The following FHAD1 variants were observed in gnomAD, a reference collection of about 807,000 sequenced individuals.
FHAD1 encodes the protein forkhead associated phosphopeptide binding domain 1.
FHAD1 carries 146 observed loss-of-function variants against 191.3 expected under a neutral mutation model. The observed-to-expected ratio is 0.76, with a 90% confidence interval of 0.67 to 0.88. FHAD1 has a LOEUF of 0.88. FHAD1 is among the 40% of genes least tolerant of loss of function. FHAD1 has a pLI of 0.00. For missense variants in FHAD1, 1,635 were observed against 1,785.8 expected (o/e 0.92, Z 1.52); for synonymous variants, 616 against 672.3 (o/e 0.92, Z 1.29).
chr1:15,283,251 G>A (rs866675973), intron 3 of FHAD1, among the ~76,000 whole-genome samples: 2 of 152,200 alleles, frequency 1.3e-5, no homozygotes, highest in Non-Finnish European at 2.9e-5. Context: ...CTTATGAAAA[G>A]CTGCTTCCAC....
At chr1:15,347,090 G>A (rs977943906) in intron 18 of FHAD1, among the ~76,000 whole-genome samples, 2 of 152,216 alleles carry the variant, frequency 1.3e-5, no homozygotes, top group Non-Finnish European at 2.9e-5. Flanking sequence ...ACAGAGAGAC[G>A]TTTACATGTC....
At chr1:15,308,399 G>A (rs1671204262) in intron 6 of FHAD1, among the ~76,000 whole-genome samples, 1 of 152,192 alleles carries the variant, frequency 6.6e-6, no homozygotes, top group Non-Finnish European at 1.5e-5. Context: ...TGGGCACAAA[G>A]ATAAGGTTCA....
Position 15,312,539 on chromosome 1 carries a change from G to A in FHAD1, c.1040-518G>A, listed in dbSNP as rs1672593708. On this transcript the variant is annotated intron_variant, in intron 7 of 33. Coordinates refer to ENST00000688493, the MANE Select transcript of FHAD1 (RefSeq NM_001391957.1). The surrounding 1 kb of genome is among the most constrained non-coding windows in gnomAD (Gnocchi z 4.7). Reference sequence around the variant, plus strand: ...TAGCCAGGCATAGTGGCACGTACCTGTAGTCCTAGCTACTTGGGAGGCCAA... The same window carrying A: ...TAGCCAGGCATAGTGGCACGTACCTATAGTCCTAGCTACTTGGGAGGCCAA... Among the ~76,000 whole-genome samples, 1 of 152,182 alleles carries A rather than the reference G, an allele frequency of 6.6e-6. No individual in the cohort carries two copies. Among genetic ancestry groups the A allele is most frequent in the Non-Finnish European group, 1.5e-5 (1 of 68,042 alleles).
downstream of FHAD1, among the ~76,000 whole-genome samples, chr1:15,401,548 GC>G (rs1156847311): frequency 6.6e-6 from 1 of 152,200 alleles, no homozygotes; most frequent in Non-Finnish European, 1.5e-5. Context: ...CAGATAAGGT[GC>G]CCTTCTCTTG....
At chr1:15,293,908 G>C (rs2100717887) in intron 4 of FHAD1, among the ~76,000 whole-genome samples, 1 of 152,242 alleles carries the variant, frequency 6.6e-6, no homozygotes, top group Non-Finnish European at 1.5e-5. Context: ...TGTTGAACTT[G>C]GGAAGTGAGT....
chr1:15,307,800 G>A (rs1368024456), intron 6 of FHAD1, among the ~76,000 whole-genome samples: 2 of 151,296 alleles, frequency 1.3e-5, no homozygotes, highest in African/African-American at 2.4e-5. Flanking sequence ...GCACGATCTC[G>A]GCTCACTGCA....
chr1:15,244,677 T>C (rs1257140881), upstream of FHAD1, among the ~76,000 whole-genome samples: 3 of 152,042 alleles, frequency 2.0e-5, no homozygotes, highest in Admixed American at 6.6e-5. This position sits in a 1 kb window ranked among gnomAD's most constrained non-coding sequence, Gnocchi z 5.1. Context: ...CAGACATTGT[T>C]CTAGGGACTG....
rs537748046 is a variant in FHAD1 at position 15,249,661 on chromosome 1, C to CT, written c.-14-2103dup. Reference sequence around the variant, plus strand: ...TTTCTCTTACTCCCAAGGGTCTTTTCTTTTTTTGCAGAGGATAGAATTCTG... The same window carrying CT: ...TTTCTCTTACTCCCAAGGGTCTTTTCTTTTTTTTGCAGAGGATAGAATTCTG... On this transcript the variant is annotated intron_variant, in intron 1 of 33. Coordinates refer to ENST00000688493, the MANE Select transcript of FHAD1 (RefSeq NM_001391957.1). Among the ~76,000 whole-genome samples, 34 of 152,212 alleles carry CT rather than the reference C, an allele frequency of 2.2e-4. No homozygotes were observed. The South Asian group carries it at 6.8e-3, about 31-fold the overall frequency.
chr1:15,301,750 G>T (rs1668854416), intron 6 of FHAD1, among the ~76,000 whole-genome samples: 1 of 152,312 alleles, frequency 6.6e-6, no homozygotes, highest in South Asian at 2.1e-4. Flanking sequence ...GGCCCAGGCC[G>T]GGCGCTGTGG....
intron 29 of FHAD1, 61 bp downstream of exon 29, chr1:15,380,857 T>C: frequency 8.1e-7 from 1 of 1,230,858 alleles, no homozygotes; most frequent in Non-Finnish European, 1.2e-6. Context: ...GCAGTCAGTG[T>C]TGAACGCAGG....
intron 3 of FHAD1, among the ~76,000 whole-genome samples, chr1:15,280,169 G>A (rs1660074029): frequency 1.3e-5 from 2 of 152,296 alleles, no homozygotes; most frequent in South Asian, 4.1e-4. Context: ...TGAGAAGAAT[G>A]TGGCTTTGCC....
intron 20 of FHAD1, among the ~76,000 whole-genome samples, chr1:15,355,630 CT>C (rs1160013096): frequency 6.6e-6 from 1 of 152,172 alleles, no homozygotes; most frequent in Non-Finnish European, 1.5e-5. Context: ...TTTGGGACCC[CT>C]GGGGTGCATC....
intron 12 of FHAD1, chr1:15,328,008 G>A (rs1307126816): frequency 2.2e-5 from 4 of 183,320 alleles, no homozygotes; most frequent in Admixed American, 6.3e-5. Context: ...ACTCCAGCCT[G>A]GGCAACAAGA....
At chr1:15,360,257 G>T (rs529780814) in intron 21 of FHAD1, among the ~76,000 whole-genome samples, 1 of 152,246 alleles carries the variant, frequency 6.6e-6, no homozygotes, top group African/African-American at 2.4e-5. Flanking sequence ...GTCAGGGAGG[G>T]CCTCTCAGAG....
intron 8 of FHAD1, among the ~76,000 whole-genome samples, chr1:15,313,424 C>G (rs79093484): frequency 1.3e-5 from 2 of 152,088 alleles, no homozygotes; most frequent in Non-Finnish European, 2.9e-5. Flanking sequence ...TTTCAAAGAT[C>G]GGCGTGCACG....
chr1:15,272,224 T>A (rs1656359312), intron 2 of FHAD1, 99 bp from the exon 3 acceptor site: 4 of 1,061,846 alleles, frequency 3.8e-6, no homozygotes, highest in East Asian at 2.6e-5. Context: ...GTCGTGATGA[T>A]CTGGCGGCGG....
rs991176014 is a variant in FHAD1 at position 15,272,389 on chromosome 1, C to T, written c.160C>T (p.Gln54Ter). Residue 54 changes from glutamine to a stop codon, truncating the protein, a stop_gained, in exon 3 of 34, where the codon CAG (glutamine) becomes TAG (stop). Coordinates refer to ENST00000688493, the MANE Select transcript of FHAD1 (RefSeq NM_001391957.1). LOFTEE classifies it high-confidence loss of function. ...YNEAECSFVLQDFNSRNGTFV... is the reference protein window; with the variant it reads ...YNEAECSFVL ...CGAGGCGGAGTGCAGCTTTGTTCTC[C>T]AGGACTTCAATTCCCGCAACGGCAC... 2 of 1,551,666 alleles carry T rather than the reference C, an allele frequency of 1.3e-6. No homozygotes were observed. Among genetic ancestry groups the T allele is most frequent in the African/African-American group, 2.7e-5 (2 of 73,050 alleles).
In FHAD1 at chr1:15,280,853, C is replaced by G. The variant is rs146861673; in HGVS notation, c.300+8324C>G. On this transcript the variant is annotated intron_variant, in intron 3 of 33. Transcript: ENST00000688493. ...CTTAAAGGAAAAGGAAAACTTTAAGCTAGAAGGTTTACAAAGATGGAAAGT... is the reference window on the plus strand; with the variant it reads ...CTTAAAGGAAAAGGAAAACTTTAAGGTAGAAGGTTTACAAAGATGGAAAGT... 8.8e-4 allele frequency among the ~76,000 whole-genome samples: 134 copies of G among 152,214 alleles called. 2 individuals carry two copies. In the East Asian group the frequency reaches 0.023, roughly 26 times the overall value.
At chr1:15,357,756 G>C (rs1261837478) in intron 20 of FHAD1, 2 of 174,418 alleles carry the variant, frequency 1.1e-5, no homozygotes, top group Non-Finnish European at 2.4e-5. Context: ...AAGGAGAGAA[G>C]GGACTCAGCA....
Sources: allele counts gnomAD v4.1 joint callset (sites outside exome capture counted in the v4.1 genomes callset), GRCh38; gene constraint gnomAD v4.1.1; non-coding constraint Gnocchi (gnomAD v3.1); transcripts MANE v1.5; gene names NCBI Gene and HGNC (gene_info 2026-07-23, HGNC 2026-07-21).